Variants in SEC23B observed in about 807,000 individuals in gnomAD.
SEC23B encodes protein transport protein Sec23B.
In SEC23B, 77 loss-of-function variants were observed where a neutral mutation model predicts 104.3. The ratio of observed to expected loss-of-function variants is 0.74; its 90% CI spans 0.61 to 0.89. The LOEUF (loss-of-function observed/expected upper bound fraction) is 0.89, where lower values mean the gene tolerates loss of function less well. SEC23B is among the 40% of genes least tolerant of loss of function. The pLI, the probability that SEC23B is intolerant of heterozygous loss-of-function variation, is 0.00. For missense variants in SEC23B, 885 were observed against 949.4 expected (o/e 0.93, Z 0.89); for synonymous variants, 338 against 332.5 (o/e 1.02, Z -0.18).
At chr20:18,546,844 C>T (rs1046854164) in intron 15 of SEC23B, among the ~76,000 whole-genome samples, 13 of 151,298 alleles carry the variant, frequency 8.6e-5, no homozygotes, top group South Asian at 2.1e-4. Flanking sequence ...TCCAAAGCCC[C>T]GTAGAGTTTG....
At chr20:18,542,507 T>G in intron 13 of SEC23B, 105 bp downstream of exon 13, 1 of 1,141,324 alleles carries the variant, frequency 8.8e-7, no homozygotes, top group African/African-American at 1.5e-5. Context: ...CATTGAATGG[T>G]TCTCACCAGA....
Position 18,530,748 on chromosome 20 carries a change from C to A in SEC23B, c.1178C>A (p.Thr393Asn). The part of the protein sequence containing the change: ...LFKQTFQRIF[T>N]KDFNGDFRMA... ...AAGCAGACATTCCAAAGAATCTTTA[C>A]TAAAGATTTTAATGGAGATTTCCGA... Residue 393 changes from threonine to asparagine, a missense_variant, in exon 10 of 20, where the codon ACT (threonine) becomes AAT (asparagine). Physicochemically the swap from Thr to Asn is moderately conservative, Grantham distance 65. Coordinates refer to ENST00000650089, the MANE Select transcript of SEC23B (RefSeq NM_006363.6). 1 of 1,612,634 alleles carries A rather than the reference C, an allele frequency of 6.2e-7. No homozygotes were observed. The highest frequency in any genetic ancestry group is 8.5e-7 in the Non-Finnish European group (1 of 1,178,922).
intron 8 of SEC23B, among the ~76,000 whole-genome samples, chr20:18,526,980 C>T (rs6081182): frequency 0.67 from 101,835 of 152,056 alleles, 35,842 homozygotes; most frequent in Non-Finnish European, 0.8. Context: ...CTTTGGGATG[C>T]CAAGGTGGGC....
At position 18,526,406 on chromosome 20, in the gene SEC23B, C is replaced by CAT; in HGVS notation, c.868_869insAT (p.Leu290HisfsTer20). 6.2e-7 allele frequency: 1 copy of CAT among 1,614,200 alleles called. No homozygotes were observed. The highest frequency in any genetic ancestry group is 8.5e-7 in the Non-Finnish European group (1 of 1,180,026). Reference sequence around the variant, plus strand: ...TCCAAACACAGGAGCCAGGATCATGCTGTTTACTGGAGGTCCCCCTACCCA... The same window carrying CAT: ...TCCAAACACAGGAGCCAGGATCATGCATTGTTTACTGGAGGTCCCCCTACCCA... On this transcript the variant is annotated frameshift_variant, in exon 8 of 20. Coordinates refer to ENST00000650089, the MANE Select transcript of SEC23B (RefSeq NM_006363.6). LOFTEE classifies it high-confidence loss of function.
At position 18,524,668 on chromosome 20, in the gene SEC23B, A is replaced by G. The variant is rs2060118657; in HGVS notation, c.602A>G (p.Gln201Arg). ...AAGGATTTAACTGCAAAGCAAATAC[A>G]GGTTTGTACCTTACTTGTACAGGAG... ...GTKDLTAKQI[Q>R]DMLGLTKPAM... Residue 201 changes from glutamine to arginine, a missense_variant and splice_region_variant, in exon 5 of 20, where the codon CAG becomes CGG. Coordinates refer to ENST00000650089, the MANE Select transcript of SEC23B (RefSeq NM_006363.6). 1 of 1,610,136 alleles carries G rather than the reference A, an allele frequency of 6.2e-7. No homozygotes were observed. The highest frequency in any genetic ancestry group is 8.5e-7 in the Non-Finnish European group (1 of 1,176,728).
chr20:18,546,348 C>T (rs2060331490), intron 15 of SEC23B, among the ~76,000 whole-genome samples: 1 of 152,168 alleles, frequency 6.6e-6, no homozygotes, highest in African/African-American at 2.4e-5. Context: ...ACCTCAGCAA[C>T]AAACCAAGAA....
At chr20:18,535,957 C>G (rs937460760) in intron 12 of SEC23B, among the ~76,000 whole-genome samples, 7 of 152,154 alleles carry the variant, frequency 4.6e-5, no homozygotes, top group Non-Finnish European at 8.8e-5. Context: ...TATTGTTGAA[C>G]TGATAAGGTC....
intron 19 of SEC23B, among the ~76,000 whole-genome samples, chr20:18,557,270 A>G (rs1358928954): frequency 1.3e-5 from 2 of 151,550 alleles, no homozygotes; most frequent in Non-Finnish European, 2.9e-5. Context: ...GTATCTCCTT[A>G]TTTAGCTTTT....
intron 2 of SEC23B, 148 bp from the exon 3 acceptor site, chr20:18,512,077 A>G (rs1350654060): frequency 3.7e-6 from 2 of 538,364 alleles, no homozygotes; most frequent in Non-Finnish European, 6.7e-6. Context: ...CGTTTTGCAT[A>G]CTCATACTTA....
intron 19 of SEC23B, among the ~76,000 whole-genome samples, chr20:18,559,778 G>A (rs1383598896): frequency 6.6e-6 from 1 of 152,154 alleles, no homozygotes; most frequent in Admixed American, 6.5e-5. Flanking sequence ...ACTCACTGCT[G>A]TGCATCCTTG....
intron 11 of SEC23B, among the ~76,000 whole-genome samples, chr20:18,535,451 A>C (rs2060221105): frequency 6.6e-6 from 1 of 152,180 alleles, no homozygotes; most frequent in South Asian, 2.1e-4. Flanking sequence ...TTAATATAAA[A>C]AGCTTAATTT....
At chr20:18,527,998 C>G (rs1229442701) in intron 9 of SEC23B, among the ~76,000 whole-genome samples, 3 of 152,064 alleles carry the variant, frequency 2.0e-5, no homozygotes, top group Admixed American at 1.3e-4. Flanking sequence ...AGTGGCCATA[C>G]TTTGTGACTA....
intron 13 of SEC23B, among the ~76,000 whole-genome samples, chr20:18,542,681 C>CACAACACAG (rs1286376640): frequency 2.0e-5 from 3 of 152,164 alleles, no homozygotes; most frequent in Admixed American, 2.0e-4. Context: ...GTTGCCCAAG[C>CACAACACAG]TGGAGTACAG....
intron 12 of SEC23B, among the ~76,000 whole-genome samples, chr20:18,538,665 A>C (rs1031114782): frequency 6.6e-6 from 1 of 152,238 alleles, no homozygotes; most frequent in Non-Finnish European, 1.5e-5. Flanking sequence ...TACCCACAGT[A>C]GAACTTCTTT....
chr20:18,554,879 A>G (rs1443036382), intron 18 of SEC23B, among the ~76,000 whole-genome samples: 1 of 151,928 alleles, frequency 6.6e-6, no homozygotes, highest in Non-Finnish European at 1.5e-5. Flanking sequence ...AGGGATTGCC[A>G]AGATAAAATA....
chr20:18,522,939 C>T (rs1158415014), intron 4 of SEC23B, among the ~76,000 whole-genome samples: 3 of 151,884 alleles, frequency 2.0e-5, no homozygotes, highest in East Asian at 1.9e-4. Flanking sequence ...TGGTGGTGGG[C>T]ACCTATAGTC....
chr20:18,543,903 G>A (rs1298734171), intron 14 of SEC23B, among the ~76,000 whole-genome samples: 1 of 152,190 alleles, frequency 6.6e-6, no homozygotes, highest in African/African-American at 2.4e-5. Context: ...GAGACATGCA[G>A]GGATGCTGCT....
At chr20:18,534,646 A>C (rs1306182956) in intron 11 of SEC23B, among the ~76,000 whole-genome samples, 1 of 152,156 alleles carries the variant, frequency 6.6e-6, no homozygotes, top group African/African-American at 2.4e-5. Context: ...CACAATATGA[A>C]ACTCTTGTTT....
intron 9 of SEC23B, among the ~76,000 whole-genome samples, chr20:18,529,800 G>T (rs1221852573): frequency 1.3e-5 from 2 of 152,218 alleles, no homozygotes; most frequent in Non-Finnish European, 2.9e-5. Flanking sequence ...TAGATATTTG[G>T]TGCCAAAGAG....
Sources: gnomAD v4.1 joint callset for allele counts (sites outside exome capture counted in the v4.1 genomes callset) on GRCh38, gnomAD v4.1.1 for gene constraint, MANE v1.5 for transcripts, NCBI Gene and HGNC (gene_info 2026-07-23, HGNC 2026-07-21) for gene names.